SPIRE1: variants seen among roughly 807,000 people sequenced by gnomAD.
SPIRE1 encodes spire type actin nucleation factor 1.
Under a neutral mutation model 94.1 loss-of-function variants are expected in SPIRE1, and 40 were observed. The observed-to-expected ratio is 0.43, with a 90% CI of 0.33 to 0.55. The LOEUF is 0.55. Among genes scored for constraint, SPIRE1 ranks in the 20% least tolerant of loss-of-function variants. The pLI is 0.06. For synonymous variants in SPIRE1, 376 were observed against 371.7 expected, an observed-to-expected ratio of 1.01 and a Z score of -0.13; for missense variants, 838 against 975.2, an observed-to-expected ratio of 0.86 and a Z score of 1.87.
intron 3 of SPIRE1, among the ~76,000 whole-genome samples, chr18:12,545,828 C>A (rs544719499): frequency 3.3e-5 from 5 of 152,214 alleles, no homozygotes; most frequent in Non-Finnish European, 7.4e-5. Flanking sequence ...CAGAGGTCAA[C>A]TGAAGATATA....
intron 4 of SPIRE1, among the ~76,000 whole-genome samples, chr18:12,513,016 A>G (rs2034085256): frequency 6.6e-6 from 1 of 151,680 alleles, no homozygotes; most frequent in Non-Finnish European, 1.5e-5. Flanking sequence ...ATAAGTCAAA[A>G]TCCTCCTATT....
chr18:12,581,802 T>C (rs2036265215), intron 2 of SPIRE1, among the ~76,000 whole-genome samples: 2 of 152,010 alleles, frequency 1.3e-5, no homozygotes, highest in Admixed American at 1.3e-4. Context: ...AGGCAGAGGT[T>C]GCAGTGAGCC....
rs755697601 is a variant in SPIRE1, at chr18:12,546,877, AAAT to A, written c.397_399del (p.Ile133del). The A allele has an allele frequency of 6.2e-7, 1 of 1,613,536 alleles. No homozygotes were observed. Among genetic ancestry groups the A allele is most frequent in the African/African-American group, 1.3e-5 (1 of 74,856 alleles). The stretch of plus-strand genomic sequence containing the variant: ...TTCAAACCATAGTCCAGTGCTTTAT[AAAT>A]AATAATTCCCAAAGATTCAATGACC... On this transcript the variant is annotated inframe_deletion, in exon 3 of 17. Transcript: ENST00000409402.
chr18:12,596,196 T>C (rs190616485), intron 2 of SPIRE1, among the ~76,000 whole-genome samples: 1 of 152,194 alleles, frequency 6.6e-6, no homozygotes, highest in African/African-American at 2.4e-5. Context: ...CCATATATAT[T>C]ACCCAACTTT....
chr18:12,570,431 G>A (rs146874019), intron 2 of SPIRE1, among the ~76,000 whole-genome samples: 17 of 152,184 alleles, frequency 1.1e-4, no homozygotes, highest in East Asian at 7.7e-4. Flanking sequence ...TGCCTTTGTC[G>A]TCATGCTTCA....
intron 6 of SPIRE1, among the ~76,000 whole-genome samples, chr18:12,499,485 T>G (rs1424063895): frequency 6.6e-6 from 1 of 151,190 alleles, no homozygotes; most frequent in African/African-American, 2.4e-5. Flanking sequence ...CGTAAGAATT[T>G]CAGAATCGAT....
chr18:12,576,151 C>T (rs1364241003), intron 2 of SPIRE1, among the ~76,000 whole-genome samples: 3 of 151,638 alleles, frequency 2.0e-5, no homozygotes, highest in African/African-American at 7.3e-5. Context: ...TGCAGTGAGC[C>T]GAGATCACCC....
intron 2 of SPIRE1, among the ~76,000 whole-genome samples, chr18:12,590,455 A>T (rs903103735): frequency 3.3e-5 from 5 of 152,312 alleles, no homozygotes; most frequent in Admixed American, 6.5e-5. Flanking sequence ...GAAAACCATA[A>T]ATCAATTTTT....
intron 8 of SPIRE1, among the ~76,000 whole-genome samples, chr18:12,492,490 ATAAGT>A (rs762853745): frequency 1.4e-4 from 22 of 152,226 alleles, no homozygotes; most frequent in African/African-American, 2.4e-4. Context: ...AAGTTTAGAA[ATAAGT>A]TAAGTAATAT....
intron 4 of SPIRE1, among the ~76,000 whole-genome samples, chr18:12,515,030 G>A (rs777998080): frequency 2.0e-5 from 3 of 152,078 alleles, no homozygotes; most frequent in Non-Finnish European, 2.9e-5. Context: ...ATAATGGAAT[G>A]TGGGGTGGGG....
intron 2 of SPIRE1, among the ~76,000 whole-genome samples, chr18:12,548,051 G>A (rs1236988905): frequency 6.6e-6 from 1 of 152,174 alleles, no homozygotes; most frequent in Non-Finnish European, 1.5e-5. Flanking sequence ...TTTCTCATCC[G>A]TTAAATGGGG....
At chr18:12,644,215 A>AG in intron 1 of SPIRE1, among the ~76,000 whole-genome samples, 1 of 149,500 alleles carries the variant, frequency 6.7e-6, no homozygotes, top group South Asian at 2.1e-4. Flanking sequence ...AAAAAAAAAA[A>AG]AGGTCAGGGT....
chr18:12,451,071 TG>T (rs2031214836), intron 16 of SPIRE1: 1 of 388,526 alleles, frequency 2.6e-6, no homozygotes, highest in Non-Finnish European at 4.6e-6. Flanking sequence ...ACTGTCCATT[TG>T]AAAAAAAAAA....
chr18:12,603,361 A>G (rs1052526583), intron 2 of SPIRE1, among the ~76,000 whole-genome samples: 1 of 152,132 alleles, frequency 6.6e-6, no homozygotes, highest in Non-Finnish European at 1.5e-5. Flanking sequence ...CTTCATCCCT[A>G]TCTCCTGGCA....
rs376036282 is a variant in SPIRE1 at position 12,514,227 on chromosome 18, T to A, written c.730-1696A>T. Among the ~76,000 whole-genome samples the A allele has an allele frequency of 6.7e-4, 102 of 152,228 alleles. 1 individual carries two copies. Among genetic ancestry groups the A allele is most frequent in the Middle Eastern group, 3.4e-3 (1 of 294 alleles). On this transcript the variant is annotated intron_variant, in intron 4 of 16. Coordinates refer to ENST00000409402, the MANE Select transcript of SPIRE1 (RefSeq NM_001128626.2). ...CCTAGAATGCTTTACATCTCAAATA[T>A]CCAGACTGAATCACCTCATATCTGT... is the stretch of plus-strand genomic sequence containing the variant.
intron 2 of SPIRE1, among the ~76,000 whole-genome samples, chr18:12,549,260 A>T (rs559668431): frequency 2.5e-4 from 38 of 152,282 alleles, no homozygotes; most frequent in Admixed American, 5.2e-4. Context: ...AAGCCTCAGA[A>T]ATCAAAAAGT....
At chr18:12,540,758 CCA>C (rs2034991587) in intron 3 of SPIRE1, among the ~76,000 whole-genome samples, 1 of 152,216 alleles carries the variant, frequency 6.6e-6, no homozygotes, top group Non-Finnish European at 1.5e-5. Flanking sequence ...TCCTCCTTAT[CCA>C]CAGTTTCACT....
At chr18:12,556,969 A>T (rs1416253369) in intron 2 of SPIRE1, among the ~76,000 whole-genome samples, 4 of 152,154 alleles carry the variant, frequency 2.6e-5, no homozygotes, top group Non-Finnish European at 4.4e-5. Context: ...GGTCCATTTT[A>T]CAGAGAGCTG....
At chr18:12,474,444 G>C (rs888540084) in intron 10 of SPIRE1, among the ~76,000 whole-genome samples, 2 of 152,080 alleles carry the variant, frequency 1.3e-5, no homozygotes, top group Non-Finnish European at 2.9e-5. Context: ...GGTGGGGAAG[G>C]CTCTAGTCCC....
Sources: gnomAD v4.1 joint callset for allele counts (sites outside exome capture counted in the v4.1 genomes callset) on GRCh38, gnomAD v4.1.1 for gene constraint, MANE v1.5 for transcripts, NCBI Gene and HGNC (gene_info 2026-07-23, HGNC 2026-07-21) for gene names.